CIC: variants seen among roughly 807,000 people sequenced by gnomAD.
The protein encoded by CIC is protein capicua homolog.
In CIC, 18 loss-of-function variants were observed where a neutral mutation model predicts 115.7. The ratio of observed to expected loss-of-function variants is 0.16; its 90% CI spans 0.11 to 0.23. The LOEUF is 0.23. Ranked by LOEUF, CIC falls within the 10% of genes least tolerant of loss-of-function variation. The pLI is 1.00. For synonymous variants in CIC, 1,076 were observed against 923.0 expected, an observed-to-expected ratio of 1.17 and a Z score of -3.01; for missense variants, 2,000 against 2,159.3, an observed-to-expected ratio of 0.93 and a Z score of 1.46.
At position 42,295,699 on chromosome 19, in the gene CIC, C is replaced by T. The variant is rs944856363; in HGVS notation, c.*508C>T. On this transcript the variant is annotated 3_prime_UTR_variant, in exon 21 of 21. Coordinates refer to ENST00000681038, the MANE Select transcript of CIC (RefSeq NM_001386298.1). ...TTTCTAAGAAGGTGATTCCCCCTGC[C>T]CTTGCCCCCTTCCCCAGAACAAAAC... 6 of 230,340 alleles carry T rather than the reference C, an allele frequency of 2.6e-5. No homozygotes were observed. The highest frequency in any genetic ancestry group is 1.3e-3 in the Middle Eastern group (1 of 790). The allele number at this position is 230,340 out of a possible 1,614,324, so 14.3% of individuals were successfully genotyped here.
rs2038230580 is a variant in CIC at position 42,292,734 on chromosome 19, C to T, written c.6071C>T (p.Pro2024Leu). 6.2e-7 allele frequency: 1 copy of T among 1,613,756 alleles called. No individual in the cohort carries two copies. The highest frequency in any genetic ancestry group is 8.5e-7 in the Non-Finnish European group (1 of 1,179,978). ...CCCCTGGCCCAGCCATCCCAGGCCC[C>T]CCCAAGCCTGGTCTACACTGTGGCC... ...SAPLAQPSQA[P>L]PSLVYTVATS... is the part of the protein sequence containing the mutation. Residue 2024 changes from proline (P) to leucine (L), a missense_variant, in exon 15 of 21, where the codon CCC becomes CTC. By Grantham distance (98) the Pro-to-Leu change is moderately conservative. Transcript: ENST00000681038.
chr19:42,278,434 T>A (rs1342883290), intron 2 of CIC, among the ~76,000 whole-genome samples: 2 of 152,262 alleles, frequency 1.3e-5, no homozygotes, highest in Admixed American at 1.3e-4. Context: ...TATTTCTAGG[T>A]CTATACGTGT....
rs1462902887 is a variant in CIC at position 42,280,601 on chromosome 19, C to T, written c.2794+6024C>T. Among the ~76,000 whole-genome samples the T allele has an allele frequency of 6.6e-6, 1 of 152,186 alleles. No homozygotes were observed. The highest frequency in any genetic ancestry group is 2.4e-5 in the African/African-American group (1 of 41,458). On this transcript the variant is annotated intron_variant, in intron 2 of 20. Transcript: ENST00000681038. The surrounding 1 kb of genome is among the most constrained non-coding windows in gnomAD (Gnocchi z 4.9). Reference sequence around the variant, plus strand: ...GCTGGGTGGGGTACCCTCCCTCCCACCGCAGACAGCTCGGGTGCCAGCTGG... The same window carrying T: ...GCTGGGTGGGGTACCCTCCCTCCCATCGCAGACAGCTCGGGTGCCAGCTGG...
chr19:42,290,737 T>C lies in CIC; in HGVS notation c.4696T>C (p.Tyr1566His), dbSNP rs2038029714. ...VPSAPAPSLA[Y>H]GAPAAPLSRP... ...CTCCGCCCCCGCCCCATCACTGGCC[T>C]ATGGGGCCCCAGCAGCTCCCCTGTC... Residue 1566 changes from tyrosine (Y) to histidine (H), a missense_variant, in exon 11 of 21, where the codon TAT becomes CAT. By Grantham distance (83) the Tyr-to-His change is moderately conservative (BLOSUM62 2). Coordinates refer to ENST00000681038, the MANE Select transcript of CIC (RefSeq NM_001386298.1). 6.2e-7 allele frequency: 1 copy of C among 1,612,406 alleles called. No homozygotes were observed. Among genetic ancestry groups the C allele is most frequent in the Non-Finnish European group, 8.5e-7 (1 of 1,179,732 alleles).
chr19:42,271,729 G>C, intron 1 of CIC, 45 bp from the exon 2 acceptor site: 1 of 398,552 alleles, frequency 2.5e-6, no homozygotes, highest in Non-Finnish European at 4.4e-6. Flanking sequence ...CTCTGGAGAG[G>C]TTCCTGAGTT....
rs1434876763 is a variant in CIC, at chr19:42,287,258, T to G, written c.3179+18T>G. ...GATGATGCGTGAGTTCCCTGAGGCC[T>G]GGGACTTGGGGGTGGGATGGCCAGA... is the stretch of plus-strand genomic sequence containing the variant. On this transcript the variant is annotated intron_variant, in intron 4 of 20. Coordinates refer to ENST00000681038, the MANE Select transcript of CIC (RefSeq NM_001386298.1). This position sits in a 1 kb window ranked among gnomAD's most constrained non-coding sequence, Gnocchi z 8.7. 9 of 1,613,806 alleles carry G rather than the reference T, an allele frequency of 5.6e-6. No homozygotes were observed. The highest frequency in any genetic ancestry group is 7.6e-6 in the Non-Finnish European group (9 of 1,179,948).
chr19:42,284,910 G>A, intron 2 of CIC: 1 of 805,598 alleles, frequency 1.2e-6, no homozygotes, highest in Non-Finnish European at 2.0e-6. Flanking sequence ...TACGGAGCTC[G>A]GCCGGGCCGA....
At chr19:42,279,979 T>G (rs1413326955) in intron 2 of CIC, 1 of 152,708 alleles carries the variant, frequency 6.5e-6, no homozygotes. Context: ...GGCGCGCGCA[T>G]GCGCGGCAGA....
intron 9 of CIC, 74 bp from the exon 10 acceptor site, chr19:42,289,774 C>T (rs1389257163): frequency 1.2e-5 from 15 of 1,286,648 alleles, no homozygotes; most frequent in Non-Finnish European, 1.7e-5. Flanking sequence ...AGCTGAGATC[C>T]AGGCTCCAGA....
At chr19:42,289,810 C>T in intron 9 of CIC, 38 bp from the exon 10 acceptor site, 2 of 1,508,206 alleles carry the variant, frequency 1.3e-6, no homozygotes, top group Non-Finnish European at 1.8e-6. Context: ...CCCCCTGCAT[C>T]TAGCCCCCTC....
rs529851215 is a variant in CIC, at chr19:42,295,020, C to T, written c.7383C>T (p.Ser2461=). ...CTGCTGCCCCTGCCCCCACTCCCAG[C>T]CCCGCAGGGGGCCCTGACCCCACCT... The part of the protein sequence containing the change: ...GTAAAPAPTP[S]PAGGPDPTSP... Residue 2461 remains serine, a synonymous_variant, in exon 21 of 21, where the codon AGC becomes AGT. Transcript: ENST00000681038. The T allele has an allele frequency of 4.3e-5, 68 of 1,587,526 alleles. No homozygotes were observed. Among genetic ancestry groups the T allele is most frequent in the African/African-American group, 6.7e-5 (5 of 74,646 alleles).
chr19:42,282,112 T>C (rs1762509280), intron 2 of CIC, among the ~76,000 whole-genome samples: 1 of 152,018 alleles, frequency 6.6e-6, no homozygotes, highest in Non-Finnish European at 1.5e-5. Context: ...AGTGAAGTAA[T>C]GGAGGGTCTG....
Position 42,295,128 on chromosome 19 carries a change from G to T in CIC, c.7491G>T (p.Trp2497Cys), listed in dbSNP as rs757240942. Residue 2497 changes from tryptophan (W) to cysteine (C), a missense_variant, in exon 21 of 21, where the codon TGG becomes TGT. By Grantham distance (215) the Trp-to-Cys change is radical. Around this residue, in one of 8 missense-constraint regions of CIC, gnomAD observed 133 missense variants for 116.0 expected, o/e 1.15. Coordinates refer to ENST00000681038, the MANE Select transcript of CIC (RefSeq NM_001386298.1). ...AGTCGGGGCCTGGACAGCCTGGCTG[G>T]GAGGGGGCTCCCCAGCCCTCCCCCC... ...PPESGPGQPG[W>C]EGAPQPSPPP... is the part of the protein sequence containing the mutation. 1 of 1,510,710 alleles carries T rather than the reference G, an allele frequency of 6.6e-7. No homozygotes were observed. The highest frequency in any genetic ancestry group is 1.2e-5 in the South Asian group (1 of 80,058). The allele number at this position is 1,510,710 out of a possible 1,614,324, so 93.6% of individuals were successfully genotyped here.
At chr19:42,278,490 G>C (rs2037080980) in intron 2 of CIC, among the ~76,000 whole-genome samples, 2 of 152,156 alleles carry the variant, frequency 1.3e-5, no homozygotes, top group Non-Finnish European at 2.9e-5. Flanking sequence ...TTGAGTCTGG[G>C]GGCTCCCTGT....
chr19:42,269,091 C>T (rs1229194807), upstream of CIC: 1 of 152,260 alleles, frequency 6.6e-6, no homozygotes, highest in Admixed American at 6.5e-5. Context: ...GGCCCCGCCC[C>T]CTAGCGCTGC....
rs766826704 is a variant in CIC, at chr19:42,289,069, G to A, written c.3840G>A (p.Gln1280=). The A allele has an allele frequency of 9.9e-6, 16 of 1,613,542 alleles. No individual in the cohort carries two copies. The highest frequency in any genetic ancestry group is 1.2e-5 in the Non-Finnish European group (14 of 1,180,048). The change falls in exon 8 of 21, where the codon CAG becomes CAA. Residue 1280 remains glutamine, a synonymous_variant. Coordinates refer to ENST00000681038, the MANE Select transcript of CIC (RefSeq NM_001386298.1). ...TGGACGGCGGAGAAGTAGACAGTCA[G>A]GCGCTACAGGAACTGACGCAGGTCT... The part of the protein sequence containing the change: ...HSLDGGEVDS[Q]ALQELTQMVS...
chr19:42,289,990 C>T (rs748024089), intron 10 of CIC, 39 bp downstream of exon 10: 2 of 1,518,752 alleles, frequency 1.3e-6, no homozygotes, highest in East Asian at 2.3e-5. Context: ...ATCACACTCC[C>T]TCCTAAGCCA....
Position 42,287,272 on chromosome 19 carries a change from G to C in CIC, c.3179+32G>C. The C allele has an allele frequency of 6.2e-7, 1 of 1,613,994 alleles. No homozygotes were observed. The highest frequency in any genetic ancestry group is 8.5e-7 in the Non-Finnish European group (1 of 1,179,984). ...TCCCTGAGGCCTGGGACTTGGGGGT[G>C]GGATGGCCAGAGACATGGCCCTCAC... On this transcript the variant is annotated intron_variant, in intron 4 of 20. Transcript: ENST00000681038. This position sits in a 1 kb window ranked among gnomAD's most constrained non-coding sequence, Gnocchi z 8.7.
rs371777598 is a variant in CIC, at chr19:42,293,932, C to T, written c.6768-3C>T. 3.7e-5 allele frequency: 60 copies of T among 1,613,048 alleles called. No homozygotes were observed. In the African/African-American group the frequency reaches 6.9e-4, roughly 19 times the overall value. On this transcript the variant is annotated splice_region_variant and splice_polypyrimidine_tract_variant and intron_variant, in intron 17 of 20. Coordinates refer to ENST00000681038, the MANE Select transcript of CIC (RefSeq NM_001386298.1). ...GGGGGAGGTGACCCTGCCGGCCCTC[C>T]AGCAGGGTCCTGTCAGAAGTGGACT... is the stretch of plus-strand genomic sequence containing the variant.
Sources: allele counts gnomAD v4.1 joint callset (sites outside exome capture counted in the v4.1 genomes callset), GRCh38; gene constraint gnomAD v4.1.1; regional missense constraint gnomAD v4.1.1; non-coding constraint Gnocchi (gnomAD v3.1); transcripts MANE v1.5; gene names NCBI Gene and HGNC (gene_info 2026-07-23, HGNC 2026-07-21).